Variants in NPHP4 observed in about 807,000 individuals in gnomAD.
The protein encoded by NPHP4 is nephrocystin 4.
Under a neutral mutation model 155.8 loss-of-function variants are expected in NPHP4, and 151 were observed. The ratio of observed to expected loss-of-function variants is 0.97; its 90% CI spans 0.85 to 1.11. The LOEUF is 1.11. Ranked by LOEUF, NPHP4 falls within the 50% of genes least tolerant of loss-of-function variation. The pLI is 0.00. For synonymous variants in NPHP4, 845 were observed against 816.8 expected (o/e 1.03, Z -0.59); for missense variants, 1,956 against 1,925.7 (o/e 1.02, Z -0.29).
In NPHP4 at chr1:5,904,733, G is replaced by A; in HGVS notation, c.2027C>T (p.Pro676Leu). Residue 676 changes from proline to leucine, a missense_variant, in exon 16 of 30, where the codon CCA (proline) becomes CTA (leucine). By Grantham distance (98) the Pro-to-Leu change is moderately conservative. Coordinates refer to ENST00000378156, the MANE Select transcript of NPHP4 (RefSeq NM_015102.5). ...VYFTFQFYRF[P>L]PATTPRLQLV... is the part of the protein sequence containing the mutation. The stretch of plus-strand genomic sequence containing the variant: ...CTGCAGTCGTGGCGTCGTTGCGGGT[G>A]GGAAGCGGTAGAACTGGAAGGTGAA... 2 of 1,614,024 alleles carry A rather than the reference G, an allele frequency of 1.2e-6. No individual in the cohort carries two copies. Among genetic ancestry groups the A allele is most frequent in the Non-Finnish European group, 1.7e-6 (2 of 1,179,890 alleles).
intron 10 of NPHP4, 43 bp downstream of exon 10, chr1:5,933,104 T>C: frequency 1.4e-6 from 2 of 1,405,126 alleles, no homozygotes; most frequent in Non-Finnish European, 1.9e-6. Flanking sequence ...ATGAACTTGC[T>C]AGAAGCTCAC....
At chr1:5,964,941 A>ATATATATATATATATATTTTTTT in intron 5 of NPHP4, among the ~76,000 whole-genome samples, 1 of 59,416 alleles carries the variant, frequency 1.7e-5, no homozygotes, top group Non-Finnish European at 2.9e-5. Flanking sequence ...ATATATATAT[A>ATATATATATATATATATTTTTTT]TTTTTTTTTT....
chr1:5,983,635 G>T (rs1427319313), intron 2 of NPHP4, among the ~76,000 whole-genome samples: 5 of 152,112 alleles, frequency 3.3e-5, no homozygotes, highest in African/African-American at 1.2e-4. Flanking sequence ...ATCAACCTTA[G>T]CTGAGAGTAT....
chr1:5,981,767 G>A (rs942797565), intron 2 of NPHP4, among the ~76,000 whole-genome samples: 15 of 152,006 alleles, frequency 9.9e-5, no homozygotes, highest in Admixed American at 4.6e-4. Context: ...ATAAAACAAC[G>A]TTGCATTCCT....
chr1:5,949,294 A>G (rs1647428650), intron 7 of NPHP4, among the ~76,000 whole-genome samples: 2 of 150,138 alleles, frequency 1.3e-5, no homozygotes, highest in Non-Finnish European at 3.0e-5. Flanking sequence ...GTAGAACTGC[A>G]TTTTCAAGAA....
At chr1:5,873,209 C>T in intron 23 of NPHP4, 43 bp downstream of exon 23, 2 of 1,523,604 alleles carry the variant, frequency 1.3e-6, no homozygotes, top group Non-Finnish European at 1.8e-6. Context: ...CTGGGAATAC[C>T]CAGGAAGCCC....
rs751519364 is a variant in NPHP4, at chr1:5,927,830, A to G, written c.1303-43T>C. The G allele has an allele frequency of 3.2e-6, 5 of 1,572,832 alleles. No homozygotes were observed. The South Asian group carries it at 4.5e-5, about 14-fold the overall frequency. On this transcript the variant is annotated intron_variant, in intron 10 of 29. Coordinates refer to ENST00000378156, the MANE Select transcript of NPHP4 (RefSeq NM_015102.5). Reference sequence around the variant, plus strand: ...AGCAGTGATGGCCACTCCCTTCATCAGCACGCCTATCAGAACGATCCAACC... The same window carrying G: ...AGCAGTGATGGCCACTCCCTTCATCGGCACGCCTATCAGAACGATCCAACC...
chr1:5,900,615 A>G (rs887430037), intron 16 of NPHP4, among the ~76,000 whole-genome samples: 2 of 152,212 alleles, frequency 1.3e-5, no homozygotes, highest in Non-Finnish European at 2.9e-5. Flanking sequence ...ATGATCCATC[A>G]TGGTGGATCC....
intron 1 of NPHP4, among the ~76,000 whole-genome samples, chr1:5,988,869 C>T (rs1467783717): frequency 2.6e-5 from 4 of 152,194 alleles, no homozygotes; most frequent in Non-Finnish European, 5.9e-5. Flanking sequence ...CGCCTCCACC[C>T]ACAGTGCACG....
At chr1:5,979,054 G>A (rs1040344145) in intron 2 of NPHP4, among the ~76,000 whole-genome samples, 8 of 148,356 alleles carry the variant, frequency 5.4e-5, no homozygotes, top group Admixed American at 6.6e-5. Flanking sequence ...TGCCCAGAGC[G>A]GCAGCCAGAG....
chr1:5,869,409 GGA>G (rs1415459877), intron 23 of NPHP4, among the ~76,000 whole-genome samples: 67 of 152,330 alleles, frequency 4.4e-4, no homozygotes, highest in Non-Finnish European at 7.5e-4. Context: ...ACACTGAGAA[GGA>G]GAGAGTGGGG....
chr1:5,975,144 G>C (rs1653307590), intron 3 of NPHP4, among the ~76,000 whole-genome samples: 1 of 152,222 alleles, frequency 6.6e-6, no homozygotes, highest in South Asian at 2.1e-4. Flanking sequence ...ACTCCTGGGA[G>C]CACTCGGTGC....
At chr1:5,932,109 C>T (rs1646307943) in intron 10 of NPHP4, among the ~76,000 whole-genome samples, 1 of 152,056 alleles carries the variant, frequency 6.6e-6, no homozygotes, top group African/African-American at 2.4e-5. Flanking sequence ...CTAAGCCTTC[C>T]AGAACATTGT....
chr1:5,909,329 C>T, intron 11 of NPHP4, 116 bp from the exon 12 acceptor site: 1 of 801,648 alleles, frequency 1.2e-6, no homozygotes, highest in Non-Finnish European at 2.1e-6. Flanking sequence ...TTGTCTGTAA[C>T]AGGGGCAGCC....
chr1:5,884,058 G>T (rs1241682923), intron 18 of NPHP4, among the ~76,000 whole-genome samples: 3 of 152,144 alleles, frequency 2.0e-5, no homozygotes, highest in African/African-American at 7.2e-5. Flanking sequence ...ATTTACACTT[G>T]CATGCTCACT....
In NPHP4 at chr1:5,891,008, T is replaced by A; in HGVS notation, c.2164A>T (p.Arg722Trp). The change falls in exon 17 of 30, where the codon AGG becomes TGG. Residue 722 changes from arginine to tryptophan, a missense_variant. Coordinates refer to ENST00000378156, the MANE Select transcript of NPHP4 (RefSeq NM_015102.5). ...FDAGSPGFQL[R>W]YMVGPGFLKP... is the part of the protein sequence containing the mutation. The stretch of plus-strand genomic sequence containing the variant: ...AGGAACCCAGGGCCCACCATGTACC[T>A]CAGCTGGAAGCCAGGAGACCCTGTC... 6.4e-7 allele frequency: 1 copy of A among 1,559,016 alleles called. No individual in the cohort carries two copies.
intron 6 of NPHP4, among the ~76,000 whole-genome samples, chr1:5,954,079 A>G (rs931608732): frequency 2.8e-4 from 43 of 152,204 alleles, no homozygotes; most frequent in African/African-American, 9.2e-4. Flanking sequence ...GAGTATGTCA[A>G]AAGCTTTAAA....
At chr1:5,985,702 G>A (rs995526801) in intron 2 of NPHP4, among the ~76,000 whole-genome samples, 6 of 152,206 alleles carry the variant, frequency 3.9e-5, no homozygotes, top group Non-Finnish European at 5.9e-5. Context: ...CTTTGCATCC[G>A]AATACTGCCA....
chr1:5,978,070 A>C (rs1422277692), intron 3 of NPHP4, among the ~76,000 whole-genome samples, 200 bp downstream of exon 3: 2 of 151,572 alleles, frequency 1.3e-5, no homozygotes, highest in Non-Finnish European at 2.9e-5. Flanking sequence ...CATCTGTTTA[A>C]GACAACTGGC....
Sources: allele counts gnomAD v4.1 joint callset (sites outside exome capture counted in the v4.1 genomes callset), GRCh38; gene constraint gnomAD v4.1.1; transcripts MANE v1.5; gene names NCBI Gene and HGNC (gene_info 2026-07-23, HGNC 2026-07-21).